TTC7A: variants seen among roughly 807,000 people sequenced by gnomAD.
The protein encoded by TTC7A is tetratricopeptide repeat protein 7A.
TTC7A carries 110 observed loss-of-function variants against 103.7 expected under a neutral mutation model. That is an observed-to-expected ratio of 1.06 (90% CI 0.91 to 1.24). The LOEUF (loss-of-function observed/expected upper bound fraction) is 1.24, where lower values mean the gene tolerates loss of function less well. Ranked by LOEUF, TTC7A falls within the 50% of genes most tolerant of loss-of-function variation. TTC7A has a pLI of 0.00. For missense variants in TTC7A, 1,340 were observed against 1,116.3 expected (o/e 1.20, Z -2.86); for synonymous variants, 521 against 467.9 (o/e 1.11, Z -1.47).
At chr2:46,975,442 C>G (rs1203168384) in intron 4 of TTC7A, among the ~76,000 whole-genome samples, 1 of 151,994 alleles carries the variant, frequency 6.6e-6, no homozygotes, top group Non-Finnish European at 1.5e-5. Context: ...CTTCCCTGCT[C>G]TCGGTGTCCC....
At chr2:46,946,568 C>T (rs573908537) in intron 1 of TTC7A, among the ~76,000 whole-genome samples, 12 of 152,260 alleles carry the variant, frequency 7.9e-5, no homozygotes, top group Middle Eastern at 6.8e-3. Flanking sequence ...GGACTCTAGG[C>T]GTGTACCTCT....
At chr2:47,054,455 C>G (rs1683149384) in intron 18 of TTC7A, among the ~76,000 whole-genome samples, 1 of 152,156 alleles carries the variant, frequency 6.6e-6, no homozygotes, top group South Asian at 2.1e-4. Flanking sequence ...CCCTCATGAT[C>G]CATTGGCCAG....
chr2:46,998,950 A>G lies in TTC7A; in HGVS notation c.1065+3751A>G, dbSNP rs576881976. ...TATAAGATATAACTGGTTGAAGATGATTTCTGTTTTGGACCTAGTTTTGGG... is the reference window on the plus strand; with the variant it reads ...TATAAGATATAACTGGTTGAAGATGGTTTCTGTTTTGGACCTAGTTTTGGG... On this transcript the variant is annotated intron_variant, in intron 8 of 19. Transcript: ENST00000319190. Among the ~76,000 whole-genome samples the G allele has an allele frequency of 2.0e-5, 3 of 152,234 alleles. No individual in the cohort carries two copies. The East Asian group carries it at 5.8e-4, about 29-fold the overall frequency.
intron 5 of TTC7A, among the ~76,000 whole-genome samples, chr2:46,981,592 A>C (rs1472668297): frequency 6.6e-6 from 1 of 152,126 alleles, no homozygotes; most frequent in African/African-American, 2.4e-5. Context: ...GACCTCTGAG[A>C]CTCTCTAGAA....
intron 1 of TTC7A, among the ~76,000 whole-genome samples, chr2:46,945,557 A>C (rs373698518): frequency 5.3e-5 from 8 of 151,860 alleles, no homozygotes; most frequent in East Asian, 1.9e-4. Context: ...TACCTAGTTA[A>C]TTTTTTTATT....
chr2:46,995,211 G>T lies in TTC7A; in HGVS notation c.1065+12G>T. ...TCAGCGAATCCATGGTAAGCTCCAG[G>T]ATGTCCTTCAGGGGCCTCTGGCCCT... On this transcript the variant is annotated intron_variant, in intron 8 of 19. Transcript: ENST00000319190. 2 of 1,613,826 alleles carry T rather than the reference G, an allele frequency of 1.2e-6. No individual in the cohort carries two copies. Among genetic ancestry groups the T allele is most frequent in the Non-Finnish European group, 1.7e-6 (2 of 1,179,878 alleles).
At chr2:46,964,309 TTTGGAGGTGCAGTGTAATCATACTTC>T (rs760970786) in intron 3 of TTC7A, among the ~76,000 whole-genome samples, 2 of 151,960 alleles carry the variant, frequency 1.3e-5, no homozygotes, top group Non-Finnish European at 2.9e-5. Context: ...AGGTGGCTTG[TTTGGAGGTGCAGTGTAATCATACTTC>T]TTGGAGCCAA....
At chr2:46,984,396 C>T (rs1015547054) in intron 5 of TTC7A, among the ~76,000 whole-genome samples, 4 of 152,200 alleles carry the variant, frequency 2.6e-5, no homozygotes, top group Non-Finnish European at 5.9e-5. Flanking sequence ...TGAACAGGTT[C>T]CCCCTCTGCC....
At chr2:47,013,689 A>G (rs1467346115) in intron 11 of TTC7A, among the ~76,000 whole-genome samples, 1 of 152,240 alleles carries the variant, frequency 6.6e-6, no homozygotes, top group African/African-American at 2.4e-5. Context: ...CATTCAGATT[A>G]CATGGTAATA....
At chr2:47,005,694 A>G (rs1244436404) in intron 8 of TTC7A, among the ~76,000 whole-genome samples, 1 of 152,202 alleles carries the variant, frequency 6.6e-6, no homozygotes, top group East Asian at 1.9e-4. Flanking sequence ...TTGACCCCTC[A>G]GAACTGCTCC....
chr2:46,977,787 G>A (rs1243924080), intron 4 of TTC7A, among the ~76,000 whole-genome samples: 1 of 152,158 alleles, frequency 6.6e-6, no homozygotes, highest in Admixed American at 6.5e-5. Flanking sequence ...TGCCCAGGCT[G>A]GTCTGGAACT....
At chr2:46,986,920 T>G (rs1426963029) in intron 5 of TTC7A, among the ~76,000 whole-genome samples, 1 of 152,208 alleles carries the variant, frequency 6.6e-6, no homozygotes, top group Non-Finnish European at 1.5e-5. Flanking sequence ...TCCCTGTCTC[T>G]GGCTAAGCCT....
At chr2:46,979,312 C>G (rs982883586) in intron 5 of TTC7A, among the ~76,000 whole-genome samples, 1 of 152,166 alleles carries the variant, frequency 6.6e-6, no homozygotes. Context: ...CTGAGCCTCA[C>G]GTTCCCCAAA....
chr2:47,071,921 C>T (rs893488430), intron 19 of TTC7A, among the ~76,000 whole-genome samples: 2 of 152,384 alleles, frequency 1.3e-5, no homozygotes, highest in East Asian at 1.9e-4. Flanking sequence ...CTGGCCCTCT[C>T]TGGGAGGCCT....
At chr2:47,041,390 G>C (rs1380165693) in intron 15 of TTC7A, among the ~76,000 whole-genome samples, 1 of 152,210 alleles carries the variant, frequency 6.6e-6, no homozygotes, top group African/African-American at 2.4e-5. Context: ...CACAGGACAA[G>C]ATAAACGGTG....
chr2:47,000,905 C>A (rs1019566888), intron 8 of TTC7A, among the ~76,000 whole-genome samples: 4 of 152,104 alleles, frequency 2.6e-5, no homozygotes, highest in Non-Finnish European at 5.9e-5. Context: ...TGCTTCAGTT[C>A]TTTTATAAGC....
At position 47,044,334 on chromosome 2, in the gene TTC7A, A is replaced by G. The variant is rs150861919; in HGVS notation, c.1803-1981A>G. Among the ~76,000 whole-genome samples the G allele has an allele frequency of 1.4e-4, 22 of 152,334 alleles. 1 individual carries two copies. The East Asian group carries it at 4.2e-3, about 29-fold the overall frequency. ...TCTAATTGTTGTCTCGAAGGCAGCCATTGTGTTTTCTTCTTCATATTCCCG... is the reference window on the plus strand; with the variant it reads ...TCTAATTGTTGTCTCGAAGGCAGCCGTTGTGTTTTCTTCTTCATATTCCCG... On this transcript the variant is annotated intron_variant, in intron 15 of 19. Transcript: ENST00000319190.
intron 3 of TTC7A, among the ~76,000 whole-genome samples, chr2:46,970,579 CA>C (rs940527327): frequency 5.2e-4 from 79 of 152,236 alleles, no homozygotes; most frequent in African/African-American, 1.5e-3. Flanking sequence ...TGTGTTGAAA[CA>C]GATCCACTCC....
chr2:47,006,763 G>C, intron 10 of TTC7A, 39 bp downstream of exon 10: 2 of 1,489,648 alleles, frequency 1.3e-6, no homozygotes, highest in South Asian at 1.1e-5. Context: ...ACACTCACCC[G>C]CAGGGGGCTC....
Sources: gnomAD v4.1 joint callset for allele counts (sites outside exome capture counted in the v4.1 genomes callset) on GRCh38, gnomAD v4.1.1 for gene constraint, MANE v1.5 for transcripts, NCBI Gene and HGNC (gene_info 2026-07-23, HGNC 2026-07-21) for gene names.